The following CC2D2B variants were observed in gnomAD, a reference collection of about 807,000 sequenced individuals.
CC2D2B encodes coiled-coil and C2 domain containing 2B.
CC2D2B carries 128 observed loss-of-function variants against 161.2 expected under a neutral mutation model. The ratio of observed to expected loss-of-function variants is 0.79; its 90% CI spans 0.69 to 0.92. The LOEUF is 0.92. Ranked by LOEUF, CC2D2B falls within the 40% of genes least tolerant of loss-of-function variation. CC2D2B has a pLI of 0.00. For synonymous variants in CC2D2B, 391 were observed against 449.8 expected (o/e 0.87, Z 1.65); for missense variants, 1,173 against 1,375.1 (o/e 0.85, Z 2.32).
intron 34 of CC2D2B, among the ~76,000 whole-genome samples, chr10:96,031,446 C>T (rs376607194): frequency 2.3e-3 from 348 of 152,270 alleles, no homozygotes; most frequent in African/African-American, 7.8e-3. Flanking sequence ...TAAACTGAAT[C>T]GATGTTGAAT....
At chr10:96,009,162 T>A (rs1390595904) in intron 25 of CC2D2B, among the ~76,000 whole-genome samples, 1 of 152,110 alleles carries the variant, frequency 6.6e-6, no homozygotes, top group Non-Finnish European at 1.5e-5. Context: ...TCTTTTAAGC[T>A]GTGTCTTTAT....
At chr10:95,967,657 CTTTTAAAATCAAAT>C (rs2076986233) in intron 14 of CC2D2B, among the ~76,000 whole-genome samples, 1 of 152,116 alleles carries the variant, frequency 6.6e-6, no homozygotes, top group African/African-American at 2.4e-5. Context: ...ATTCAACAAA[CTTTTAAAATCAAAT>C]TCAAATTTTT....
Position 95,983,692 on chromosome 10 carries a change from A to G in CC2D2B, c.2169A>G (p.Glu723=). The G allele has an allele frequency of 8.1e-7, 1 of 1,231,232 alleles. No homozygotes were observed. Among genetic ancestry groups the G allele is most frequent in the Admixed American group, 4.2e-5 (1 of 23,712 alleles). 76.3% of individuals were successfully genotyped at this position (1,231,232 alleles called of 1,614,324 possible). Residue 723 remains glutamate, a synonymous_variant, in exon 19 of 35, where the codon GAA becomes GAG. Transcript: ENST00000646931. ...AATTTAACTTCGTTTCTGAAGAGGAAATGGCAAAGAGTAAACGTTTCCAGC... is the reference window on the plus strand; with the variant it reads ...AATTTAACTTCGTTTCTGAAGAGGAGATGGCAAAGAGTAAACGTTTCCAGC... ...QDEFNFVSEE[E]MAKSKRFQLL...
intron 19 of CC2D2B, among the ~76,000 whole-genome samples, chr10:95,986,469 A>G (rs1026698929): frequency 2.6e-5 from 4 of 151,622 alleles, no homozygotes; most frequent in African/African-American, 9.7e-5. Flanking sequence ...AGACATCAGA[A>G]AAGAAATAAA....
intron 9 of CC2D2B, 22 bp downstream of exon 9, chr10:95,938,947 G>A (rs1051466578): frequency 2.7e-5 from 18 of 663,154 alleles, no homozygotes; most frequent in African/African-American, 5.5e-5. Flanking sequence ...CAATTTATTT[G>A]TAATTATGGT....
Position 95,961,884 on chromosome 10 carries a change from A to G in CC2D2B, c.1165A>G (p.Ser389Gly). The G allele has an allele frequency of 8.1e-7, 1 of 1,231,390 alleles. No homozygotes were observed. Among genetic ancestry groups the G allele is most frequent in the South Asian group, 4.1e-5 (1 of 24,316 alleles). The allele number at this position is 1,231,390 out of a possible 1,614,324, so 76.3% of individuals were successfully genotyped here. A position where few individuals can be genotyped will look rare whatever the true frequency, so the allele number is the denominator to read the frequency against. ...GGGAAAGGACCTCTCCCTACTACAC[A>G]GTATATTACGAACTTGGAAACAGAT... Reference protein sequence around the residue: ...ERGKDLSLLHSILRTWKQIKS... With the variant: ...ERGKDLSLLHGILRTWKQIKS... Residue 389 changes from serine to glycine, a missense_variant, in exon 12 of 35, where the codon AGT becomes GGT. Physicochemically the swap from Ser to Gly is moderately conservative, Grantham distance 56. Coordinates refer to ENST00000646931, the MANE Select transcript of CC2D2B (RefSeq NM_001349008.3).
intron 14 of CC2D2B, among the ~76,000 whole-genome samples, chr10:95,967,321 T>C (rs2076974165): frequency 1.3e-5 from 2 of 151,990 alleles, no homozygotes; most frequent in African/African-American, 2.4e-5. Context: ...AAAATGAAAG[T>C]TGGAGGGAGA....
At chr10:95,982,888 C>T (rs2077582680) in intron 18 of CC2D2B, among the ~76,000 whole-genome samples, 1 of 152,136 alleles carries the variant, frequency 6.6e-6, no homozygotes, top group South Asian at 2.1e-4. Flanking sequence ...TCTCTTGCCT[C>T]AGCCTCTCGT....
intron 24 of CC2D2B, among the ~76,000 whole-genome samples, chr10:95,998,881 C>T (rs1321822819): frequency 2.6e-5 from 4 of 151,976 alleles, no homozygotes; most frequent in South Asian, 2.1e-4. Flanking sequence ...TTTGGGAGGT[C>T]GAGGCGGGTG....
intron 16 of CC2D2B, among the ~76,000 whole-genome samples, chr10:95,973,157 A>G (rs1018678348): frequency 6.6e-6 from 1 of 151,794 alleles, no homozygotes; most frequent in Non-Finnish European, 1.5e-5. Context: ...GGGCGGGGGG[A>G]AATGGGCAGA....
chr10:95,924,904 T>C, intron 5 of CC2D2B, 60 bp downstream of exon 5: 1 of 1,037,080 alleles, frequency 9.6e-7, no homozygotes, highest in Non-Finnish European at 1.5e-6. Flanking sequence ...ATAGTTTACA[T>C]AGCAAAACTT....
chr10:96,014,052 C>G lies in CC2D2B; in HGVS notation c.3516+175C>G, dbSNP rs148367784. ...AATCTATGGAAATAATTCATGAATA[C>G]CAAAAATCTTTTCAACATTCTAAGT... On this transcript the variant is annotated intron_variant, in intron 29 of 34. Coordinates refer to ENST00000646931, the MANE Select transcript of CC2D2B (RefSeq NM_001349008.3). 4.5e-4 allele frequency among the ~76,000 whole-genome samples: 69 copies of G among 152,190 alleles called. No homozygotes were observed. The East Asian group carries it at 0.011, about 24-fold the overall frequency.
At chr10:95,957,986 CA>C (rs1161756415) in intron 11 of CC2D2B, among the ~76,000 whole-genome samples, 1 of 149,434 alleles carries the variant, frequency 6.7e-6, no homozygotes, top group African/African-American at 2.5e-5. Context: ...CAAAAAAACA[CA>C]AAGGTGTACA....
intron 15 of CC2D2B, 137 bp from the exon 16 acceptor site, chr10:95,971,927 CAT>C (rs2077150799): frequency 2.3e-6 from 1 of 430,546 alleles, no homozygotes; most frequent in Non-Finnish European, 3.9e-6. Flanking sequence ...TTCTCATAAT[CAT>C]GTGGATGAAA....
chr10:96,001,549 G>A (rs2078496156), intron 24 of CC2D2B, among the ~76,000 whole-genome samples: 1 of 152,106 alleles, frequency 6.6e-6, no homozygotes, highest in African/African-American at 2.4e-5. Context: ...ACATCTTGGA[G>A]GCTATATAAA....
At chr10:95,973,243 G>C (rs2077198786) in intron 16 of CC2D2B, among the ~76,000 whole-genome samples, 1 of 152,080 alleles carries the variant, frequency 6.6e-6, no homozygotes, top group Non-Finnish European at 1.5e-5. Flanking sequence ...CGGGACAAAA[G>C]ACTCAGGACT....
chr10:95,914,102 A>T (rs2098511498), intron 2 of CC2D2B, among the ~76,000 whole-genome samples: 1 of 152,028 alleles, frequency 6.6e-6, no homozygotes, highest in Non-Finnish European at 1.5e-5. Context: ...CAGATCTTAG[A>T]TTTAAGTCTT....
intron 20 of CC2D2B, among the ~76,000 whole-genome samples, chr10:95,988,576 A>G (rs1280983929): frequency 6.6e-6 from 1 of 152,200 alleles, no homozygotes; most frequent in African/African-American, 2.4e-5. Flanking sequence ...CTGTTTAAAC[A>G]TACATTTTAA....
At chr10:95,954,978 TAAAG>T (rs1015634338) in intron 10 of CC2D2B, among the ~76,000 whole-genome samples, 5 of 152,094 alleles carry the variant, frequency 3.3e-5, no homozygotes, top group African/African-American at 9.7e-5. Flanking sequence ...CACTTATCCA[TAAAG>T]ATAGTTATCA....
Sources: allele counts gnomAD v4.1 joint callset (sites outside exome capture counted in the v4.1 genomes callset), GRCh38; gene constraint gnomAD v4.1.1; transcripts MANE v1.5; gene names NCBI Gene and HGNC (gene_info 2026-07-23, HGNC 2026-07-21).